The following ANKRD33B variants were observed in gnomAD, a reference collection of about 807,000 sequenced individuals.
ANKRD33B encodes the protein ankyrin repeat domain 33B, also known as ankyrin repeat domain-containing protein 33B.
In ANKRD33B, 6 loss-of-function variants were observed where a neutral mutation model predicts 21.5. That is an observed-to-expected ratio of 0.28 (90% CI 0.15 to 0.55). The LOEUF (loss-of-function observed/expected upper bound fraction) is 0.55. Among genes scored for constraint, ANKRD33B ranks in the 20% least tolerant of loss-of-function variants. The pLI is 0.94. For synonymous variants in ANKRD33B, 347 were observed against 342.4 expected (o/e 1.01, Z -0.15); for missense variants, 698 against 747.2 (o/e 0.93, Z 0.77).
chr5:10,618,686 T>G (rs1736345347), intron 2 of ANKRD33B, among the ~76,000 whole-genome samples: 2 of 152,136 alleles, frequency 1.3e-5, no homozygotes, highest in Admixed American at 1.3e-4. Context: ...CTGCCCAAAG[T>G]TTTTGAATAT....
At chr5:10,620,126 G>A (rs1736386774) in intron 2 of ANKRD33B, among the ~76,000 whole-genome samples, 1 of 152,132 alleles carries the variant, frequency 6.6e-6, no homozygotes, top group South Asian at 2.1e-4. Context: ...GCGTGAGGCT[G>A]CGTGAGTGGT....
chr5:10,595,736 A>G (rs1217127044), intron 1 of ANKRD33B, among the ~76,000 whole-genome samples: 1 of 152,118 alleles, frequency 6.6e-6, no homozygotes, highest in Non-Finnish European at 1.5e-5. Context: ...ATTGCTTGCA[A>G]TGTCATCTTC....
rs943028031 is a variant in ANKRD33B at position 10,656,798 on chromosome 5, C to G, written c.*6685C>G. ...CTGGAAGAGCTCCCCAGGCATTCAG[C>G]CTATGGCCCTTGACATTTGGCTGCA... On this transcript the variant is annotated 3_prime_UTR_variant, in exon 4 of 4. Coordinates refer to ENST00000296657, the MANE Select transcript of ANKRD33B (RefSeq NM_001164440.2). The G allele has an allele frequency of 2.0e-5, 3 of 152,376 alleles. No individual in the cohort carries two copies. The highest frequency in any genetic ancestry group is 7.2e-5 in the African/African-American group (3 of 41,442). The allele number at this position is 152,376 out of a possible 1,614,324, so 9.4% of individuals were successfully genotyped here. A position where few individuals can be genotyped will look rare whatever the true frequency, so the allele number is the denominator to read the frequency against.
In ANKRD33B at chr5:10,610,920, T is replaced by C. The variant is rs1483277468; in HGVS notation, c.367-7413T>C. Among the ~76,000 whole-genome samples, 3 of 152,264 alleles carry C rather than the reference T, an allele frequency of 2.0e-5. No individual in the cohort carries two copies. In the East Asian group the frequency reaches 5.8e-4, roughly 29 times the overall value. ...TTAGCTGGGTGTGGTGGCGGGAGAC[T>C]GTAATCCCAGCTACCTGGGAGGCCG... On this transcript the variant is annotated intron_variant, in intron 1 of 3. Coordinates refer to ENST00000296657, the MANE Select transcript of ANKRD33B (RefSeq NM_001164440.2).
intron 1 of ANKRD33B, among the ~76,000 whole-genome samples, chr5:10,599,768 A>G (rs937325678): frequency 6.6e-5 from 10 of 152,176 alleles, no homozygotes; most frequent in Admixed American, 5.2e-4. Flanking sequence ...TGTTTTCACT[A>G]CTGTGAATAA....
At position 10,656,403 on chromosome 5, in the gene ANKRD33B, G is replaced by A. The variant is rs1737489197; in HGVS notation, c.*6290G>A. ...CAATGTGGACAGTGTACACTAAGCT[G>A]TGAGTGTGTGCACGGGCGAGCACAT... is the stretch of plus-strand genomic sequence containing the variant. On this transcript the variant is annotated 3_prime_UTR_variant, in exon 4 of 4. Coordinates refer to ENST00000296657, the MANE Select transcript of ANKRD33B (RefSeq NM_001164440.2). The A allele has an allele frequency of 6.6e-6, 1 of 152,376 alleles. No individual in the cohort carries two copies. The highest frequency in any genetic ancestry group is 2.1e-4 in the South Asian group (1 of 4,830). The allele number at this position is 152,376 out of a possible 1,614,324, so 9.4% of individuals were successfully genotyped here. A position where few individuals can be genotyped will look rare whatever the true frequency, so the allele number is the denominator to read the frequency against.
In ANKRD33B at chr5:10,651,598, A is replaced by G. The variant is rs754572503; in HGVS notation, c.*1485A>G. 1 of 152,296 alleles carries G rather than the reference A, an allele frequency of 6.6e-6. No homozygotes were observed. Among genetic ancestry groups the G allele is most frequent in the Non-Finnish European group, 1.5e-5 (1 of 68,034 alleles). The allele number at this position is 152,296 out of a possible 1,614,324, so 9.4% of individuals were successfully genotyped here. A position where few individuals can be genotyped will look rare whatever the true frequency, so the allele number is the denominator to read the frequency against. ...CCATGTGGGTTGTAGAGTGTCTGTC[A>G]CATATGCACTTTATTTCAGTATTAA... On this transcript the variant is annotated 3_prime_UTR_variant, in exon 4 of 4. Transcript: ENST00000296657.
chr5:10,624,118 T>C (rs1043060781), intron 2 of ANKRD33B, among the ~76,000 whole-genome samples: 1 of 151,066 alleles, frequency 6.6e-6, no homozygotes, highest in Non-Finnish European at 1.5e-5. Flanking sequence ...TCTTTCGTTC[T>C]TTCTTTCTTT....
chr5:10,627,730 C>CT (rs1277111365), intron 2 of ANKRD33B, among the ~76,000 whole-genome samples: 2 of 152,308 alleles, frequency 1.3e-5, no homozygotes, highest in East Asian at 1.9e-4. Flanking sequence ...GAAGTGCTTC[C>CT]TTTTTTCTCA....
chr5:10,582,187 A>G (rs1735458329), intron 1 of ANKRD33B, among the ~76,000 whole-genome samples: 1 of 152,190 alleles, frequency 6.6e-6, no homozygotes, highest in African/African-American at 2.4e-5. Flanking sequence ...CCTGTGCTTA[A>G]AAGGGCCCTA....
chr5:10,624,508 T>G (rs764647281), intron 2 of ANKRD33B, among the ~76,000 whole-genome samples: 70 of 152,158 alleles, frequency 4.6e-4, no homozygotes, highest in Non-Finnish European at 9.3e-4. Context: ...CGCCACTGTG[T>G]GCACCCACCC....
chr5:10,639,899 G>A (rs1356771594), intron 3 of ANKRD33B, among the ~76,000 whole-genome samples: 2 of 33,260 alleles, frequency 6.0e-5, no homozygotes, highest in South Asian at 1.6e-3. Flanking sequence ...GTTGTGCGGC[G>A]ATGTTAGCGG....
Position 10,638,325 on chromosome 5 carries a change from C to G in ANKRD33B, c.637+157C>G, listed in dbSNP as rs1186076037. 5.3e-5 allele frequency among the ~76,000 whole-genome samples: 8 copies of G among 152,364 alleles called. No homozygotes were observed. In the East Asian group the frequency reaches 1.5e-3, roughly 29 times the overall value. On this transcript the variant is annotated intron_variant, in intron 3 of 3. Transcript: ENST00000296657. ...CACTGACATATACTTCTGTAACTAT[C>G]TGAGGTTTTAAAAAAGCCACAGCAT... is the stretch of plus-strand genomic sequence containing the variant.
chr5:10,630,483 G>A (rs1736681502), intron 2 of ANKRD33B, among the ~76,000 whole-genome samples: 1 of 152,186 alleles, frequency 6.6e-6, no homozygotes, highest in Non-Finnish European at 1.5e-5. Flanking sequence ...CTTAACAAAG[G>A]GCAGTGTGAA....
chr5:10,631,726 G>A (rs375111918), intron 2 of ANKRD33B, among the ~76,000 whole-genome samples: 3 of 152,346 alleles, frequency 2.0e-5, no homozygotes, highest in African/African-American at 7.2e-5. Context: ...GCCTCTCCCT[G>A]GGACCTGTGT....
At position 10,601,360 on chromosome 5, in the gene ANKRD33B, G is replaced by A. The variant is rs942261238; in HGVS notation, c.367-16973G>A. 3.9e-5 allele frequency among the ~76,000 whole-genome samples: 6 copies of A among 152,264 alleles called. 1 individual carries two copies. In the South Asian group the frequency reaches 1.0e-3, roughly 26 times the overall value. ...AGAATTCCCCACTCGTCAGCTCCAC[G>A]CCTTTGCACATGCTTGCCTCCCGCC... On this transcript the variant is annotated intron_variant, in intron 1 of 3. Coordinates refer to ENST00000296657, the MANE Select transcript of ANKRD33B (RefSeq NM_001164440.2).
intron 1 of ANKRD33B, 66 bp from the exon 2 acceptor site, chr5:10,618,265 GGT>G (rs1736331034): frequency 1.3e-6 from 2 of 1,532,016 alleles, no homozygotes; most frequent in Admixed American, 3.9e-5. Flanking sequence ...TGCCCCTCGG[GGT>G]CCCCAGTGCT....
chr5:10,641,297 C>G (rs1260305620), intron 3 of ANKRD33B, among the ~76,000 whole-genome samples: 2 of 142,528 alleles, frequency 1.4e-5, no homozygotes, highest in Admixed American at 7.3e-5. Flanking sequence ...GGTGCAATCT[C>G]GGCTCACTGC....
chr5:10,633,447 T>C (rs6872280), intron 2 of ANKRD33B, among the ~76,000 whole-genome samples: 66,456 of 152,130 alleles, frequency 0.44, 14,702 homozygotes, highest in Middle Eastern at 0.56. Flanking sequence ...ATAGTTTATG[T>C]TTACAGAGAA....
Sources: allele counts gnomAD v4.1 joint callset (sites outside exome capture counted in the v4.1 genomes callset), GRCh38; gene constraint gnomAD v4.1.1; transcripts MANE v1.5; gene names NCBI Gene and HGNC (gene_info 2026-07-23, HGNC 2026-07-21).